Variants in UTRN observed in about 807,000 individuals in gnomAD.
UTRN encodes the protein utrophin, also known as dystrophin-related protein 1.
In UTRN, 283 loss-of-function variants were observed where a neutral mutation model predicts 463.9. That is an observed-to-expected ratio of 0.61 (90% confidence interval 0.55 to 0.67). UTRN has a LOEUF of 0.67. Among genes scored for constraint, UTRN ranks in the 30% least tolerant of loss-of-function variants. The pLI is 0.00. For synonymous variants in UTRN, 1,442 were observed against 1,431.5 expected (o/e 1.01, Z -0.17); for missense variants, 3,922 against 4,084.3 (o/e 0.96, Z 1.08).
intron 2 of UTRN, among the ~76,000 whole-genome samples, chr6:144,348,020 GT>G (rs1469094861): frequency 6.6e-6 from 1 of 151,706 alleles, no homozygotes; most frequent in Non-Finnish European, 1.5e-5. Flanking sequence ...ATTTTTAATA[GT>G]TTTTCTGTAG....
intron 54 of UTRN, among the ~76,000 whole-genome samples, chr6:144,736,487 ATTATCTTATACTGT>A (rs1789412763): frequency 6.6e-6 from 1 of 151,918 alleles, no homozygotes. Flanking sequence ...TCCATTACTA[ATTATCTTATACTGT>A]TGTATGTATT....
chr6:144,450,983 G>T (rs151173928), intron 17 of UTRN, among the ~76,000 whole-genome samples: 230 of 152,054 alleles, frequency 1.5e-3, no homozygotes, highest in Middle Eastern at 3.4e-3. Flanking sequence ...TGTGGTGGTG[G>T]GCACCTATAA....
At chr6:144,330,925 G>T in intron 2 of UTRN, 2 of 985,406 alleles carry the variant, frequency 2.0e-6, no homozygotes, top group Non-Finnish European at 2.4e-6. Flanking sequence ...GTTGGTTTGG[G>T]AGTCTTAACT....
intron 46 of UTRN, among the ~76,000 whole-genome samples, chr6:144,547,426 C>A: frequency 6.6e-6 from 1 of 152,160 alleles, no homozygotes; most frequent in East Asian, 1.9e-4. Flanking sequence ...AGAGCTACTT[C>A]AGTCCTCTGA....
chr6:144,487,509 T>C, intron 28 of UTRN, 39 bp from the exon 29 acceptor site: 1 of 1,557,674 alleles, frequency 6.4e-7, no homozygotes, highest in Non-Finnish European at 8.7e-7. Flanking sequence ...TTTGCCTTAG[T>C]AAATGCATTA....
intron 51 of UTRN, among the ~76,000 whole-genome samples, chr6:144,590,207 T>TTTCGATG (rs376251320): frequency 6.6e-6 from 1 of 152,200 alleles, no homozygotes; most frequent in African/African-American, 2.4e-5. Context: ...TTCAAAACTA[T>TTTCGATG]TTCGATGTTC....
chr6:144,795,810 A>G (rs1050352757), intron 63 of UTRN, among the ~76,000 whole-genome samples: 3 of 151,886 alleles, frequency 2.0e-5, no homozygotes, highest in African/African-American at 7.3e-5. Context: ...ATTTTCTCCC[A>G]TTTTGTAGGT....
At chr6:144,608,742 G>A (rs566985312) in intron 51 of UTRN, among the ~76,000 whole-genome samples, 1 of 151,474 alleles carries the variant, frequency 6.6e-6, no homozygotes, top group Admixed American at 6.6e-5. Context: ...ATTTTAGAAA[G>A]TACTTGAGAT....
At chr6:144,521,649 G>T (rs1796100830) in intron 39 of UTRN, among the ~76,000 whole-genome samples, 1 of 151,998 alleles carries the variant, frequency 6.6e-6, no homozygotes, top group Admixed American at 6.6e-5. Flanking sequence ...TTTGTGATTG[G>T]CAGGATATTC....
chr6:144,594,418 A>G (rs1178244037), intron 51 of UTRN, among the ~76,000 whole-genome samples: 1 of 152,080 alleles, frequency 6.6e-6, no homozygotes, highest in African/African-American at 2.4e-5. Flanking sequence ...ATAATTAGCT[A>G]TTTATTTCTT....
chr6:144,488,638 T>C, intron 29 of UTRN, 35 bp from the exon 30 acceptor site: 1 of 1,600,018 alleles, frequency 6.2e-7, no homozygotes, highest in Non-Finnish European at 8.5e-7. Context: ...ATATTTGTGT[T>C]GGGCAACTAA....
In UTRN at chr6:144,488,718, C is replaced by T. The variant is rs755991290; in HGVS notation, c.4018C>T (p.Arg1340Trp). 3.3e-5 allele frequency: 53 copies of T among 1,613,142 alleles called. No individual in the cohort carries two copies. The highest frequency in any genetic ancestry group is 4.4e-5 in the South Asian group (4 of 90,930). Residue 1340 changes from arginine (R) to tryptophan (W), a missense_variant, in exon 30 of 75, where the codon CGG becomes TGG. Arg to Trp is a moderately radical substitution (Grantham distance 101). This residue lies in a region of UTRN where 2,349 missense variants were observed against 2,303.8 expected (regional missense o/e 1.02). Transcript: ENST00000367545. The part of the protein sequence containing the change: ...ISLEKQLQVL[R>W]ETDQMLQVLQ... ...TTTGGAAAAGCAACTCCAGGTGCTG[C>T]GGGAAACTGACCAGATGCTTCAAGT...
intron 65 of UTRN, among the ~76,000 whole-genome samples, chr6:144,813,030 C>A (rs1168603535): frequency 1.3e-5 from 2 of 151,984 alleles, no homozygotes; most frequent in African/African-American, 4.8e-5. Context: ...ATTAGCTTTC[C>A]AAAAATGACA....
chr6:144,632,009 G>A (rs1776579878), intron 51 of UTRN, among the ~76,000 whole-genome samples: 1 of 152,198 alleles, frequency 6.6e-6, no homozygotes, highest in Admixed American at 6.5e-5. Context: ...AGGGACCTGG[G>A]AAGCGCCAGG....
At chr6:144,494,936 C>G (rs1013608070) in intron 33 of UTRN, among the ~76,000 whole-genome samples, 13 of 152,244 alleles carry the variant, frequency 8.5e-5, no homozygotes, top group African/African-American at 3.1e-4. Flanking sequence ...TTGGTGCACT[C>G]ACAAACCCTG....
At chr6:144,349,830 G>C (rs1398157900) in intron 2 of UTRN, among the ~76,000 whole-genome samples, 1 of 152,160 alleles carries the variant, frequency 6.6e-6, no homozygotes, top group Non-Finnish European at 1.5e-5. Flanking sequence ...TCAAGACTTG[G>C]TTGGAGGGCC....
intron 2 of UTRN, among the ~76,000 whole-genome samples, chr6:144,379,250 AG>A (rs1327819989): frequency 6.6e-6 from 1 of 152,196 alleles, no homozygotes; most frequent in Non-Finnish European, 1.5e-5. Context: ...GCTTTAAAAC[AG>A]CAAATATTTA....
intron 2 of UTRN, among the ~76,000 whole-genome samples, chr6:144,389,021 G>T (rs1781665239): frequency 6.6e-6 from 1 of 152,182 alleles, no homozygotes; most frequent in African/African-American, 2.4e-5. Context: ...GTGTGTGCCT[G>T]TGACACAGCC....
intron 52 of UTRN, among the ~76,000 whole-genome samples, chr6:144,692,694 C>T (rs1211715813): frequency 1.3e-5 from 2 of 152,042 alleles, no homozygotes; most frequent in Non-Finnish European, 1.5e-5. Context: ...TATATGTCTT[C>T]TTTTGAAAAG....
Sources: gnomAD v4.1 joint callset for allele counts (sites outside exome capture counted in the v4.1 genomes callset) on GRCh38, gnomAD v4.1.1 for gene constraint, gnomAD v4.1.1 regional missense constraint, MANE v1.5 for transcripts, NCBI Gene and HGNC (gene_info 2026-07-23, HGNC 2026-07-21) for gene names.